Variants in TSHZ3 observed in about 807,000 individuals in gnomAD.
The protein encoded by TSHZ3 is teashirt zinc finger homeobox 3, also known as teashirt homolog 3.
A neutral mutation model predicts 64.5 loss-of-function variants in TSHZ3; 10 were observed. The observed-to-expected ratio is 0.16, with a 90% CI of 0.10 to 0.26. TSHZ3 has a LOEUF of 0.26. Ranked by LOEUF, TSHZ3 falls within the 10% of genes least tolerant of loss-of-function variation. TSHZ3 has a pLI of 1.00. For synonymous variants in TSHZ3, 608 were observed against 593.1 expected (o/e 1.03, Z -0.36); for missense variants, 1,242 against 1,421.7 (o/e 0.87, Z 2.03).
intron 1 of TSHZ3, among the ~76,000 whole-genome samples, chr19:31,335,084 C>T (rs1312523297): frequency 1.3e-5 from 2 of 152,336 alleles, no homozygotes; most frequent in Non-Finnish European, 2.9e-5. Flanking sequence ...CTTCTTCACC[C>T]ATTGCTTGTT....
intron 5 of TSHZ3, among the ~76,000 whole-genome samples, chr19:31,184,122 G>A (rs1195451829): frequency 1.3e-5 from 2 of 152,160 alleles, no homozygotes; most frequent in Non-Finnish European, 2.9e-5. Context: ...AAAGGGTAGA[G>A]GTGGTGAGAG....
At chr19:31,338,937 AAC>A (rs1347885838) in intron 1 of TSHZ3, among the ~76,000 whole-genome samples, 1 of 151,864 alleles carries the variant, frequency 6.6e-6, no homozygotes, top group Non-Finnish European at 1.5e-5. Flanking sequence ...AATCGATAGA[AAC>A]ACACACACAG....
intron 3 of TSHZ3, among the ~76,000 whole-genome samples, chr19:31,232,212 G>A (rs774738717): frequency 6.6e-5 from 10 of 152,026 alleles, no homozygotes; most frequent in African/African-American, 9.7e-5. Flanking sequence ...AATGAAGAGC[G>A]GATTGCTCCC....
At chr19:31,314,157 C>A (rs746688391) in intron 1 of TSHZ3, among the ~76,000 whole-genome samples, 6 of 152,106 alleles carry the variant, frequency 3.9e-5, no homozygotes, top group African/African-American at 1.4e-4. Context: ...CCTAGACAAC[C>A]AGAAAGGATG....
intron 5 of TSHZ3, among the ~76,000 whole-genome samples, chr19:31,160,712 G>A (rs1049223210): frequency 2.9e-4 from 44 of 151,152 alleles, no homozygotes; most frequent in African/African-American, 9.5e-4. Context: ...ATATACACAC[G>A]TATATACACA....
At chr19:31,302,614 T>G (rs1479907248) in intron 1 of TSHZ3, among the ~76,000 whole-genome samples, 1 of 151,596 alleles carries the variant, frequency 6.6e-6, no homozygotes, top group African/African-American at 2.4e-5. Context: ...TTTATAAGTG[T>G]GCTTTTACTT....
intron 5 of TSHZ3, among the ~76,000 whole-genome samples, chr19:31,177,148 A>G (rs1599562051): frequency 6.6e-6 from 1 of 152,218 alleles, no homozygotes; most frequent in East Asian, 1.9e-4. Flanking sequence ...TAGAATTGCT[A>G]TAAACTGGGA....
intron 1 of TSHZ3, among the ~76,000 whole-genome samples, chr19:31,257,169 G>T (rs1224454101): frequency 6.6e-6 from 1 of 152,184 alleles, no homozygotes; most frequent in African/African-American, 2.4e-5. Context: ...AATGGACATT[G>T]TAAGCAGAGG....
chr19:31,252,966 A>G (rs1163408601), intron 1 of TSHZ3, among the ~76,000 whole-genome samples: 1 of 152,254 alleles, frequency 6.6e-6, no homozygotes, highest in Non-Finnish European at 1.5e-5. Context: ...AGATTTAACA[A>G]GACAATGTAT....
chr19:31,307,308 C>T (rs1916329479), intron 1 of TSHZ3, among the ~76,000 whole-genome samples: 1 of 151,666 alleles, frequency 6.6e-6, no homozygotes, highest in African/African-American at 2.4e-5. Flanking sequence ...CTGCTTAGTG[C>T]TCCCCCTCCC....
At chr19:31,169,481 T>C (rs1266601695) in intron 5 of TSHZ3, among the ~76,000 whole-genome samples, 1 of 152,182 alleles carries the variant, frequency 6.6e-6, no homozygotes, top group Non-Finnish European at 1.5e-5. Flanking sequence ...TACTGTTTAA[T>C]TCAGGGTTAC....
At position 31,277,774 on chromosome 19, in the gene TSHZ3, G is replaced by A; in HGVS notation, c.2019C>T (p.Pro673=). 1 of 1,529,444 alleles carries A rather than the reference G, an allele frequency of 6.5e-7. No homozygotes were observed. Among genetic ancestry groups the A allele is most frequent in the Non-Finnish European group, 8.8e-7 (1 of 1,141,800 alleles). The allele number at this position is 1,529,444 out of a possible 1,614,324, so 94.7% of individuals were successfully genotyped here. A position where few individuals can be genotyped will look rare whatever the true frequency, so the allele number is the denominator to read the frequency against. ...GFRSQENSPS[P]PRDGCKDGSP... is the part of the protein sequence containing the mutation. The stretch of plus-strand genomic sequence containing the variant: ...TCCCATCCTTGCACCCATCCCGCGG[G>A]GGGCTGGGGCTGTTCTCCTGGCTGC... Residue 673 remains proline (P), a synonymous_variant, in exon 2 of 2, where the codon CCC becomes CCT. Transcript: ENST00000240587. The surrounding 1 kb of genome is among the most constrained non-coding windows in gnomAD (Gnocchi z 4.5).
intron 1 of TSHZ3, among the ~76,000 whole-genome samples, chr19:31,292,107 C>T (rs1178385095): frequency 6.6e-6 from 1 of 152,162 alleles, no homozygotes; most frequent in African/African-American, 2.4e-5. Flanking sequence ...GTCCTTTTTA[C>T]CTTTTATTCT....
intron 1 of TSHZ3, among the ~76,000 whole-genome samples, chr19:31,329,436 CA>C (rs1184054024): frequency 6.6e-6 from 1 of 152,236 alleles, no homozygotes; most frequent in African/African-American, 2.4e-5. Context: ...TCAGCCCTGG[CA>C]ATGGGCACGC....
chr19:31,276,937 G>A lies in TSHZ3; in HGVS notation c.2856C>T (p.Asn952=), dbSNP rs374980371. ...SMTTISHWLA[N]VKYQLRRTGG... Reference sequence around the variant, plus strand: ...CTGTCCTTCGAAGCTGGTATTTCACGTTGGCCAGCCAGTGGCTGATGGTGG... The same window carrying A: ...CTGTCCTTCGAAGCTGGTATTTCACATTGGCCAGCCAGTGGCTGATGGTGG... Residue 952 remains asparagine, a synonymous_variant, in exon 2 of 2, where the codon AAC becomes AAT. Transcript: ENST00000240587. The A allele has an allele frequency of 1.6e-5, 26 of 1,614,236 alleles. No homozygotes were observed. The highest frequency in any genetic ancestry group is 4.5e-5 in the East Asian group (2 of 44,878).
At chr19:31,199,670 A>T (rs963788600) in intron 5 of TSHZ3, among the ~76,000 whole-genome samples, 1 of 149,522 alleles carries the variant, frequency 6.7e-6, no homozygotes, top group Non-Finnish European at 1.5e-5. Flanking sequence ...GTAACCCTTT[A>T]GATATAATGT....
intron 1 of TSHZ3, among the ~76,000 whole-genome samples, chr19:31,307,727 C>T (rs1026225285): frequency 2.0e-5 from 3 of 152,176 alleles, no homozygotes; most frequent in Admixed American, 1.3e-4. Context: ...TTTAGGTGTT[C>T]GGCCAATGTG....
chr19:31,339,448 G>A (rs1917361184), intron 1 of TSHZ3, among the ~76,000 whole-genome samples: 1 of 151,882 alleles, frequency 6.6e-6, no homozygotes, highest in Non-Finnish European at 1.5e-5. Flanking sequence ...TTTCCCTCTT[G>A]CCAAATCAGC....
At chr19:31,173,822 C>T (rs577727924) in intron 5 of TSHZ3, among the ~76,000 whole-genome samples, 1 of 152,192 alleles carries the variant, frequency 6.6e-6, no homozygotes, top group African/African-American at 2.4e-5. Context: ...GTAATCCCAG[C>T]ATTTTGGGAG....
Sources: allele counts gnomAD v4.1 joint callset (sites outside exome capture counted in the v4.1 genomes callset), GRCh38; gene constraint gnomAD v4.1.1; non-coding constraint Gnocchi (gnomAD v3.1); transcripts MANE v1.5; gene names NCBI Gene and HGNC (gene_info 2026-07-23, HGNC 2026-07-21).